The following EPHA6 variants were observed in gnomAD, a reference collection of about 807,000 sequenced individuals.
EPHA6 encodes EPH receptor A6.
EPHA6 carries 50 observed loss-of-function variants against 112.0 expected under a neutral mutation model. That is an observed-to-expected ratio of 0.45 (90% CI 0.36 to 0.56). The LOEUF (loss-of-function observed/expected upper bound fraction) is 0.56, where lower values mean the gene tolerates loss of function less well. EPHA6 is among the 20% of genes least tolerant of loss of function. The pLI is 0.00. For synonymous variants in EPHA6, 529 were observed against 490.7 expected (o/e 1.08, Z -1.03); for missense variants, 1,280 against 1,417.4 (o/e 0.90, Z 1.56).
intron 3 of EPHA6, among the ~76,000 whole-genome samples, chr3:97,220,594 G>A (rs1013066576): frequency 1.3e-5 from 2 of 152,156 alleles, no homozygotes; most frequent in African/African-American, 4.8e-5. Flanking sequence ...TAGAGAAGGG[G>A]GAAGAGCCTC....
Position 97,054,554 on chromosome 3 carries a change from A to G in EPHA6, c.1114+66561A>G, listed in dbSNP as rs181731697. 3.6e-3 allele frequency among the ~76,000 whole-genome samples: 550 copies of G among 152,250 alleles called. 4 individuals carry two copies. The highest frequency in any genetic ancestry group is 0.014 in the Middle Eastern group (4 of 294). ...TGACAAAAAAATCACTAAACTGTGTAACTGCTTAAATAAGGAGAGGAATAA... is the reference window on the plus strand; with the variant it reads ...TGACAAAAAAATCACTAAACTGTGTGACTGCTTAAATAAGGAGAGGAATAA... On this transcript the variant is annotated intron_variant, in intron 3 of 17. Coordinates refer to ENST00000389672, the MANE Select transcript of EPHA6 (RefSeq NM_001080448.3).
chr3:97,403,316 A>G (rs1428209300), intron 5 of EPHA6, among the ~76,000 whole-genome samples: 1 of 152,124 alleles, frequency 6.6e-6, no homozygotes, highest in Non-Finnish European at 1.5e-5. Context: ...CTAATATCCC[A>G]TTGATATTTG....
At chr3:97,457,266 T>G (rs1445928365) in intron 7 of EPHA6, among the ~76,000 whole-genome samples, 2 of 152,180 alleles carry the variant, frequency 1.3e-5, no homozygotes, top group Non-Finnish European at 2.9e-5. Flanking sequence ...TAGAGTATCA[T>G]AGCGATGATA....
chr3:97,273,413 A>C (rs1355192465), intron 5 of EPHA6, among the ~76,000 whole-genome samples: 1 of 152,148 alleles, frequency 6.6e-6, no homozygotes, highest in East Asian at 1.9e-4. Context: ...GACAGAAGAT[A>C]GTAGGGATGA....
intron 3 of EPHA6, among the ~76,000 whole-genome samples, chr3:97,220,869 T>G (rs2078174762): frequency 6.6e-6 from 1 of 152,182 alleles, no homozygotes; most frequent in Non-Finnish European, 1.5e-5. Flanking sequence ...ATCTACTATT[T>G]AGAAATGTAA....
chr3:97,055,981 T>G (rs2045838931), intron 3 of EPHA6, among the ~76,000 whole-genome samples: 2 of 150,880 alleles, frequency 1.3e-5, no homozygotes, highest in Non-Finnish European at 2.9e-5. Flanking sequence ...TAAAATATAT[T>G]CTAAACTTAC....
rs188887490 is a variant in EPHA6 at position 97,445,199 on chromosome 3, T to C, written c.1732-3369T>C. Among the ~76,000 whole-genome samples the C allele has an allele frequency of 3.2e-3, 494 of 152,198 alleles. 3 individuals are homozygous for C. The highest frequency in any genetic ancestry group is 0.011 in the African/African-American group (464 of 41,534). ...CTCAATGATTTTTTCTCACAATTGG[T>C]GCTATTTTCTGTGCTCATCCGAGGA... On this transcript the variant is annotated intron_variant, in intron 6 of 17. Coordinates refer to ENST00000389672, the MANE Select transcript of EPHA6 (RefSeq NM_001080448.3).
chr3:96,926,217 A>G (rs1041489591), intron 2 of EPHA6, among the ~76,000 whole-genome samples: 2 of 152,148 alleles, frequency 1.3e-5, no homozygotes, highest in Non-Finnish European at 2.9e-5. Context: ...GAACTGTCAA[A>G]CACTTATAAA....
At chr3:97,697,505 A>C (rs1000068129) in intron 14 of EPHA6, among the ~76,000 whole-genome samples, 2 of 152,104 alleles carry the variant, frequency 1.3e-5, no homozygotes, top group African/African-American at 4.8e-5. Context: ...CGTCATGAAA[A>C]CCTTAAAAGA....
chr3:97,687,295 C>G (rs1157376060), intron 14 of EPHA6, among the ~76,000 whole-genome samples: 1 of 152,064 alleles, frequency 6.6e-6, no homozygotes, highest in Non-Finnish European at 1.5e-5. Context: ...CAGCAACTGT[C>G]TAGAGTCTAT....
At chr3:97,012,345 C>CT (rs1273602213) in intron 3 of EPHA6, among the ~76,000 whole-genome samples, 1 of 150,994 alleles carries the variant, frequency 6.6e-6, no homozygotes, top group Non-Finnish European at 1.5e-5. Flanking sequence ...GAGACAGGGT[C>CT]TGACTCTGTC....
At chr3:97,297,689 G>T (rs947997498) in intron 5 of EPHA6, among the ~76,000 whole-genome samples, 1 of 152,102 alleles carries the variant, frequency 6.6e-6, no homozygotes, top group African/African-American at 2.4e-5. Context: ...CTTGACATGG[G>T]AATGATATGT....
At position 97,532,429 on chromosome 3, in the gene EPHA6, A is replaced by T; in HGVS notation, c.2272A>T (p.Thr758Ser). 6.2e-7 allele frequency: 1 copy of T among 1,612,694 alleles called. No individual in the cohort carries two copies. Among genetic ancestry groups the T allele is most frequent in the Non-Finnish European group, 8.5e-7 (1 of 1,179,002 alleles). ...AAGAGAGATCCCAGTTGCCATTAAAACTTTGAAAGGTGGCCACATGGATCG... is the reference window on the plus strand; with the variant it reads ...AAGAGAGATCCCAGTTGCCATTAAATCTTTGAAAGGTGGCCACATGGATCG... ...GKREIPVAIK[T>S]LKGGHMDRQR... The change falls in exon 11 of 18, where the codon ACT becomes TCT. Residue 758 changes from threonine (T) to serine (S), a missense_variant. Thr to Ser is a moderately conservative substitution (Grantham distance 58). Coordinates refer to ENST00000389672, the MANE Select transcript of EPHA6 (RefSeq NM_001080448.3).
At chr3:97,231,856 G>A (rs2078536639) in intron 4 of EPHA6, among the ~76,000 whole-genome samples, 1 of 152,080 alleles carries the variant, frequency 6.6e-6, no homozygotes, top group South Asian at 2.1e-4. Flanking sequence ...TTTTCCAGTG[G>A]TTAATTTTTG....
At chr3:96,829,931 G>C (rs955099294) in intron 1 of EPHA6, among the ~76,000 whole-genome samples, 7 of 138,064 alleles carry the variant, frequency 5.1e-5, no homozygotes, top group South Asian at 2.3e-4. Context: ...ACACATGCAC[G>C]TGCATGTGCG....
chr3:96,940,460 C>T (rs1576109865), intron 2 of EPHA6, among the ~76,000 whole-genome samples: 1 of 152,272 alleles, frequency 6.6e-6, no homozygotes, highest in East Asian at 1.9e-4. Context: ...GGTAGATCTT[C>T]CTCCATCCCT....
chr3:97,172,808 A>G (rs1171245192), intron 3 of EPHA6, among the ~76,000 whole-genome samples: 2 of 151,922 alleles, frequency 1.3e-5, no homozygotes, highest in Admixed American at 6.6e-5. Flanking sequence ...AGCATCATCA[A>G]TTTACTTTTC....
intron 10 of EPHA6, among the ~76,000 whole-genome samples, chr3:97,526,711 A>T (rs962223247): frequency 1.3e-5 from 2 of 152,108 alleles, no homozygotes; most frequent in African/African-American, 4.8e-5. Context: ...CTGTTATGGG[A>T]TGGAAGTTGT....
chr3:97,279,334 T>C (rs1264768930), intron 5 of EPHA6, among the ~76,000 whole-genome samples: 1 of 152,148 alleles, frequency 6.6e-6, no homozygotes, highest in Non-Finnish European at 1.5e-5. Flanking sequence ...ACCCATCACA[T>C]ACTTTGTTAG....
Sources: allele counts gnomAD v4.1 joint callset (sites outside exome capture counted in the v4.1 genomes callset), GRCh38; gene constraint gnomAD v4.1.1; transcripts MANE v1.5; gene names NCBI Gene and HGNC (gene_info 2026-07-23, HGNC 2026-07-21).